CENPI: variants seen among roughly 807,000 people sequenced by gnomAD.
CENPI encodes the protein centromere protein I.
CENPI carries 4 observed loss-of-function variants against 60.4 expected under a neutral mutation model. That is an observed-to-expected ratio of 0.07 (90% confidence interval 0.03 to 0.15). The LOEUF (loss-of-function observed/expected upper bound fraction) is 0.15, where lower values mean the gene tolerates loss of function less well. Among genes scored for constraint, CENPI ranks in the 10% least tolerant of loss-of-function variants. The pLI, the probability that CENPI is intolerant of heterozygous loss-of-function variation, is 1.00. For synonymous variants in CENPI, 157 were observed against 189.4 expected, an observed-to-expected ratio of 0.83 and a Z score of 1.40; for missense variants, 444 against 534.5, an observed-to-expected ratio of 0.83 and a Z score of 1.67.
chrX:101,175,697 G>T, the CENPI span, among the ~76,000 whole-genome samples: 1 of 111,491 alleles, frequency 9.0e-6, no homozygotes, highest in Non-Finnish European at 1.9e-5. Flanking sequence ...TACTTATGGG[G>T]TGCATGGGAT....
downstream of CENPI, among the ~76,000 whole-genome samples, chrX:101,169,519 G>A (rs190694750): frequency 6.3e-5 from 7 of 111,735 alleles, no homozygotes; most frequent in Non-Finnish European, 1.1e-4. Context: ...CATAAAAACA[G>A]CACATACAGT....
At chrX:101,115,206 C>T (rs1255931192) in intron 6 of CENPI, among the ~76,000 whole-genome samples, 2 of 110,268 alleles carry the variant, frequency 1.8e-5, no homozygotes, top group African/African-American at 3.3e-5. Flanking sequence ...TCAGGTAATC[C>T]GCCCTCCTTG....
At chrX:101,166,354 T>C (rs1235729803), downstream of CENPI, among the ~76,000 whole-genome samples, 3 of 111,969 alleles carry the variant, frequency 2.7e-5, no homozygotes, top group African/African-American at 9.7e-5. Flanking sequence ...TGGGGTTTCA[T>C]CATGTTGGCC....
rs184518393 is a variant in CENPI, at chrX:101,165,623, G to A, written c.*2656G>A. 1.8e-5 allele frequency among the ~76,000 whole-genome samples: 2 copies of A among 111,536 alleles called. No individual in the cohort carries two copies. The highest frequency in any genetic ancestry group is 1.9e-4 in the Admixed American group (2 of 10,377). On this transcript the variant is annotated 3_prime_UTR_variant, in exon 22 of 22. Coordinates refer to ENST00000682095, the MANE Select transcript of CENPI (RefSeq NM_001386188.2). The stretch of plus-strand genomic sequence containing the variant: ...TCATTAGGGAATAACCATGACTTTG[G>A]ATGAGATCACCTAGTACAGCTAGAG...
chrX:101,122,721 C>G (rs920890030), intron 8 of CENPI, among the ~76,000 whole-genome samples: 1 of 110,655 alleles, frequency 9.0e-6, no homozygotes, highest in Non-Finnish European at 1.9e-5. Flanking sequence ...ACTAAAAATA[C>G]AAAAAATAGC....
In CENPI at chrX:101,127,150, A is replaced by G. The variant is rs2089744568; in HGVS notation, c.790A>G (p.Asn264Asp). 8.5e-7 allele frequency: 1 copy of G among 1,175,859 alleles called. No individual in the cohort carries two copies. Among genetic ancestry groups the G allele is most frequent in the Non-Finnish European group, 1.1e-6 (1 of 878,943 alleles). Residue 264 changes from asparagine (N) to aspartate (D), a missense_variant, in exon 10 of 22, where the codon AAT (asparagine) becomes GAT (aspartate). Transcript: ENST00000682095. ...TCCAAATTTATAGATATATTTTAAG[A>G]ATTCAGAGAATCTATGGAAGACGGC... is the stretch of plus-strand genomic sequence containing the variant. The part of the protein sequence containing the change: ...LPVRKKIYFK[N>D]SENLWKTALL...
At chrX:101,156,667 C>T (rs2090054981) in intron 20 of CENPI, among the ~76,000 whole-genome samples, 1 of 109,464 alleles carries the variant, frequency 9.1e-6, no homozygotes, top group Admixed American at 9.9e-5. Context: ...ACCCTTTCCC[C>T]GAGTCCCCAG....
chrX:101,104,613 C>T, intron 4 of CENPI, among the ~76,000 whole-genome samples: 1 of 111,052 alleles, frequency 9.0e-6, no homozygotes, highest in East Asian at 2.8e-4. Flanking sequence ...ATAATCCCAG[C>T]ACTTTGAGGG....
chrX:101,141,745 C>G (rs759095702), intron 16 of CENPI, among the ~76,000 whole-genome samples: 1 of 110,848 alleles, frequency 9.0e-6, no homozygotes. Flanking sequence ...CTGCCCCCCC[C>G]TTTTTTATTG....
chrX:101,170,869 C>T (rs182448352), downstream of CENPI, among the ~76,000 whole-genome samples: 24 of 110,804 alleles, frequency 2.2e-4, no homozygotes, highest in Non-Finnish European at 4.0e-4. Flanking sequence ...TGGGCTCAAG[C>T]GATCTGTGCG....
At chrX:101,124,662 C>T (rs1368986800) in intron 8 of CENPI, among the ~76,000 whole-genome samples, 1 of 110,915 alleles carries the variant, frequency 9.0e-6, no homozygotes, top group African/African-American at 3.3e-5. Flanking sequence ...GGCGGTTTCC[C>T]CCATGCTATT....
At position 101,129,622 on chromosome X, in the gene CENPI, T is replaced by C. The variant is rs142881517; in HGVS notation, c.1196-360T>C. On this transcript the variant is annotated intron_variant, in intron 12 of 21. Coordinates refer to ENST00000682095, the MANE Select transcript of CENPI (RefSeq NM_001386188.2). ...CTAAATTTGTATCACTCTTACATTA[T>C]ACCCAGCATACTCTAATTGAAGTTT... 8.0e-3 allele frequency among the ~76,000 whole-genome samples: 896 copies of C among 112,018 alleles called. 12 individuals are homozygous for C. The highest frequency in any genetic ancestry group is 0.028 in the African/African-American group (851 of 30,884).
chrX:101,176,900 A>C, the CENPI span, among the ~76,000 whole-genome samples: 3 of 112,134 alleles, frequency 2.7e-5, no homozygotes, highest in Non-Finnish European at 5.6e-5. Context: ...TTGATTTTGT[A>C]TATGGTGATG....
intron 15 of CENPI, among the ~76,000 whole-genome samples, chrX:101,140,260 A>G (rs1255749701): frequency 8.9e-6 from 1 of 112,199 alleles, no homozygotes; most frequent in Admixed American, 9.5e-5. Flanking sequence ...TATGACCATC[A>G]AAAAGGTGGC....
downstream of CENPI, among the ~76,000 whole-genome samples, chrX:101,166,509 G>A (rs140021043): frequency 1.3e-3 from 141 of 112,653 alleles, 4 homozygotes; most frequent in East Asian, 0.038. Context: ...TAAGCCAAAT[G>A]TAGTTATCTG....
At chrX:101,162,473 A>ATATATATATATATAT (rs1556409814) in intron 21 of CENPI, among the ~76,000 whole-genome samples, 2 of 68,129 alleles carry the variant, frequency 2.9e-5, no homozygotes, top group African/African-American at 1.4e-4. Context: ...AAAAAAAAAA[A>ATATATATATATATAT]ATATATATAT....
chrX:101,142,782 A>T (rs1440444213), intron 16 of CENPI, among the ~76,000 whole-genome samples: 1 of 111,691 alleles, frequency 9.0e-6, no homozygotes, highest in Non-Finnish European at 1.9e-5. Flanking sequence ...GCCAAGTGCT[A>T]CCAAAAATCA....
At chrX:101,115,251 A>G (rs1438785005) in intron 6 of CENPI, among the ~76,000 whole-genome samples, 2 of 108,022 alleles carry the variant, frequency 1.9e-5, no homozygotes, top group African/African-American at 6.8e-5. Flanking sequence ...GGCTTGAGCC[A>G]CCGAGCCCGG....
chrX:101,178,736 C>T, the CENPI span, among the ~76,000 whole-genome samples: 1 of 111,879 alleles, frequency 8.9e-6, no homozygotes, highest in Middle Eastern at 4.6e-3. Flanking sequence ...AAAGAACTTT[C>T]ACCCTATAAG....
Sources: allele counts gnomAD v4.1 joint callset (sites outside exome capture counted in the v4.1 genomes callset), GRCh38; gene constraint gnomAD v4.1.1; transcripts MANE v1.5; gene names NCBI Gene and HGNC (gene_info 2026-07-23, HGNC 2026-07-21).